RAB3C: variants seen among roughly 807,000 people sequenced by gnomAD.
The protein encoded by RAB3C is ras-related protein Rab-3C.
RAB3C carries 17 observed loss-of-function variants against 26.4 expected under a neutral mutation model. The observed-to-expected ratio is 0.64, with a 90% confidence interval of 0.44 to 0.97. RAB3C has a LOEUF of 0.97. RAB3C is among the 50% of genes least tolerant of loss of function. The pLI is 0.00. For missense variants in RAB3C, 242 were observed against 281.9 expected, an observed-to-expected ratio of 0.86 and a Z score of 1.01; for synonymous variants, 91 against 95.9, an observed-to-expected ratio of 0.95 and a Z score of 0.30.
At chr5:58,828,151 C>A (rs948784500) in intron 4 of RAB3C, among the ~76,000 whole-genome samples, 1 of 152,188 alleles carries the variant, frequency 6.6e-6, no homozygotes, top group Non-Finnish European at 1.5e-5. Context: ...CAGTTTAGTT[C>A]ATCAAGCATT....
intron 1 of RAB3C, among the ~76,000 whole-genome samples, chr5:58,600,274 G>T (rs971214798): frequency 2.0e-5 from 3 of 152,148 alleles, no homozygotes; most frequent in African/African-American, 7.2e-5. Flanking sequence ...CAGGTAGTAT[G>T]ATGCCTCCAG....
intron 3 of RAB3C, among the ~76,000 whole-genome samples, chr5:58,739,975 G>A (rs781070042): frequency 3.0e-4 from 45 of 152,168 alleles, no homozygotes; most frequent in Non-Finnish European, 6.2e-4. Context: ...TTTTTAGTTG[G>A]TTTCCAAACT....
At chr5:58,697,744 A>G (rs755937719) in intron 2 of RAB3C, among the ~76,000 whole-genome samples, 4 of 150,816 alleles carry the variant, frequency 2.7e-5, no homozygotes, top group African/African-American at 4.9e-5. Context: ...TAGGATTGCA[A>G]CCCCTGCTTT....
rs543873615 is a variant in RAB3C at position 58,619,755 on chromosome 5, A to G, written c.252+1885A>G. Among the ~76,000 whole-genome samples, 42 of 152,286 alleles carry G rather than the reference A, an allele frequency of 2.8e-4. 1 individual carries two copies. In the South Asian group the frequency reaches 8.7e-3, roughly 32 times the overall value. On this transcript the variant is annotated intron_variant, in intron 2 of 4. Coordinates refer to ENST00000282878, the MANE Select transcript of RAB3C (RefSeq NM_138453.4). The stretch of plus-strand genomic sequence containing the variant: ...TCTTTGTTGAGGTGCAAAATTATCT[A>G]TCTTCAATGTAAATCAGATATATTT...
At chr5:58,792,624 A>G (rs1742553891) in intron 3 of RAB3C, among the ~76,000 whole-genome samples, 2 of 152,074 alleles carry the variant, frequency 1.3e-5, no homozygotes, top group Non-Finnish European at 2.9e-5. Flanking sequence ...GAGTGATAGT[A>G]TACCTACTAG....
rs1358175970 is a variant in RAB3C, at chr5:58,856,541, A to C, written c.*5190A>C. On this transcript the variant is annotated 3_prime_UTR_variant, in exon 5 of 5. Coordinates refer to ENST00000282878, the MANE Select transcript of RAB3C (RefSeq NM_138453.4). ...CAGCAACCATTACTGGTGGAGTTTC[A>C]AACAGTCATTACTTGCTGAAATGAG... 2.0e-5 allele frequency: 3 copies of C among 152,196 alleles called. No individual in the cohort carries two copies. The highest frequency in any genetic ancestry group is 1.3e-4 in the Admixed American group (2 of 15,274). 9.4% of individuals were successfully genotyped at this position (152,196 alleles called of 1,614,324 possible).
intron 2 of RAB3C, 23 bp downstream of exon 2, chr5:58,617,893 T>C (rs984478032): frequency 1.4e-6 from 2 of 1,472,536 alleles, no homozygotes; most frequent in Non-Finnish European, 1.9e-6. Flanking sequence ...GAACTGGCAG[T>C]GTTCTTCAGG....
At chr5:58,668,732 T>C (rs1443676437) in intron 2 of RAB3C, among the ~76,000 whole-genome samples, 1 of 152,172 alleles carries the variant, frequency 6.6e-6, no homozygotes, top group Non-Finnish European at 1.5e-5. Flanking sequence ...TCTAATCATT[T>C]TTTTTTCTAG....
chr5:58,747,111 T>G (rs1278676310), intron 3 of RAB3C, among the ~76,000 whole-genome samples: 2 of 152,020 alleles, frequency 1.3e-5, no homozygotes, highest in South Asian at 2.1e-4. Context: ...AATCTTCTGG[T>G]TTTTTTTCTA....
At chr5:58,640,622 C>T (rs923832340) in intron 2 of RAB3C, among the ~76,000 whole-genome samples, 4 of 152,078 alleles carry the variant, frequency 2.6e-5, no homozygotes, top group African/African-American at 9.7e-5. Flanking sequence ...TATCTTGTGT[C>T]AGGTGGTATA....
intron 3 of RAB3C, among the ~76,000 whole-genome samples, chr5:58,731,110 G>A (rs1741010453): frequency 6.6e-6 from 1 of 152,090 alleles, no homozygotes; most frequent in South Asian, 2.1e-4. Context: ...TACAATTCAA[G>A]GTGAGATTCG....
chr5:58,582,738 T>C (rs2111640343), upstream of RAB3C, among the ~76,000 whole-genome samples: 1 of 152,268 alleles, frequency 6.6e-6, no homozygotes, highest in Non-Finnish European at 1.5e-5. Flanking sequence ...TGTTGTTTCC[T>C]AATCAGAAAA....
intron 2 of RAB3C, among the ~76,000 whole-genome samples, chr5:58,623,981 G>T (rs1746996228): frequency 6.6e-6 from 1 of 152,150 alleles, no homozygotes; most frequent in Non-Finnish European, 1.5e-5. Context: ...TTAAGTATTT[G>T]CTATGGTAAA....
At chr5:58,588,980 C>T (rs1191788739) in intron 1 of RAB3C, among the ~76,000 whole-genome samples, 1 of 152,062 alleles carries the variant, frequency 6.6e-6, no homozygotes, top group African/African-American at 2.4e-5. Context: ...TTATCTTGTT[C>T]CCCATTTTAA....
At position 58,855,312 on chromosome 5, in the gene RAB3C, CTG is replaced by C. The variant is rs1277959758; in HGVS notation, c.*3967_*3968del. On this transcript the variant is annotated 3_prime_UTR_variant, in exon 5 of 5. Coordinates refer to ENST00000282878, the MANE Select transcript of RAB3C (RefSeq NM_138453.4). ...AAAACCCTTCTAGACCAAAAAGTTA[CTG>C]TGTGTTTGTTAATAATCTTCATAGT... is the stretch of plus-strand genomic sequence containing the variant. The C allele has an allele frequency of 6.6e-6, 1 of 152,180 alleles. No individual in the cohort carries two copies. The highest frequency in any genetic ancestry group is 1.5e-5 in the Non-Finnish European group (1 of 68,032). 9.4% of individuals were successfully genotyped at this position (152,180 alleles called of 1,614,324 possible). A position where few individuals can be genotyped will look rare whatever the true frequency, so the allele number is the denominator to read the frequency against.
chr5:58,777,594 G>GTTT (rs779951394), intron 3 of RAB3C, among the ~76,000 whole-genome samples: 4 of 130,100 alleles, frequency 3.1e-5, no homozygotes, highest in Non-Finnish European at 3.3e-5. Flanking sequence ...GAAAGACCAT[G>GTTT]TTTTTTTTTT....
At chr5:58,777,508 A>G (rs1742169784) in intron 3 of RAB3C, among the ~76,000 whole-genome samples, 1 of 152,040 alleles carries the variant, frequency 6.6e-6, no homozygotes, top group African/African-American at 2.4e-5. Flanking sequence ...ATATAGCACT[A>G]TAACATCTTG....
intron 2 of RAB3C, among the ~76,000 whole-genome samples, chr5:58,649,147 C>T (rs1277727353): frequency 6.6e-6 from 1 of 152,108 alleles, no homozygotes; most frequent in Non-Finnish European, 1.5e-5. Context: ...GTTGCTGTCT[C>T]AAGTCCCGCA....
intron 3 of RAB3C, among the ~76,000 whole-genome samples, chr5:58,758,213 G>T (rs1741718558): frequency 6.6e-6 from 1 of 152,064 alleles, no homozygotes; most frequent in Non-Finnish European, 1.5e-5. Flanking sequence ...CGAAGTGCTG[G>T]GATTACAGAC....
Sources: gnomAD v4.1 joint callset for allele counts (sites outside exome capture counted in the v4.1 genomes callset) on GRCh38, gnomAD v4.1.1 for gene constraint, MANE v1.5 for transcripts, NCBI Gene and HGNC (gene_info 2026-07-23, HGNC 2026-07-21) for gene names.